Variants in RRAGB observed in about 807,000 individuals in gnomAD.
RRAGB encodes the protein Ras related GTP binding B, also known as ras-related GTP-binding protein B.
RRAGB carries 6 observed loss-of-function variants against 29.3 expected under a neutral mutation model. That is an observed-to-expected ratio of 0.21 (90% CI 0.11 to 0.40). The LOEUF (loss-of-function observed/expected upper bound fraction) is 0.40. RRAGB is among the 10% of genes least tolerant of loss of function. The pLI, the probability that RRAGB is intolerant of heterozygous loss-of-function variation, is 1.00. For missense variants in RRAGB, 184 were observed against 272.9 expected, an observed-to-expected ratio of 0.67 and a Z score of 2.29; for synonymous variants, 101 against 92.5, an observed-to-expected ratio of 1.09 and a Z score of -0.53.
At chrX:55,754,434 C>T (rs2034606036) in intron 7 of RRAGB, among the ~76,000 whole-genome samples, 2 of 112,856 alleles carry the variant, frequency 1.8e-5, no homozygotes, top group Non-Finnish European at 3.7e-5. Context: ...CAACACACTG[C>T]ATAAGTAATT....
intron 5 of RRAGB, among the ~76,000 whole-genome samples, chrX:55,740,059 C>T (rs1233845826): frequency 8.9e-6 from 1 of 112,078 alleles, no homozygotes; most frequent in African/African-American, 3.2e-5. Flanking sequence ...CGGTGGCTCA[C>T]GCCTGTAATC....
chrX:55,717,872 G>C lies in RRAGB; in HGVS notation c.-456G>C, dbSNP rs748908097. The C allele has an allele frequency of 7.0e-5, 8 of 114,475 alleles. No homozygotes were observed. In the East Asian group the frequency reaches 2.2e-3, roughly 32 times the overall value. 9.4% of individuals were successfully genotyped at this position (114,475 alleles called of 1,213,427 possible). A position where few individuals can be genotyped will look rare whatever the true frequency, so the allele number is the denominator to read the frequency against. ...GCTGACTCTCCGAGCGGCCGGGCTC[G>C]GAAGCCACGAGCCAGCTGAGGCGTT... On this transcript the variant is annotated 5_prime_UTR_variant, in exon 1 of 10. Transcript: ENST00000374941.
intron 3 of RRAGB, among the ~76,000 whole-genome samples, chrX:55,724,006 A>T (rs1466824692): frequency 2.7e-5 from 3 of 112,437 alleles, no homozygotes; most frequent in Admixed American, 1.9e-4. Context: ...ATGCAGGTGG[A>T]GTCTGATCAG....
chrX:55,718,289 C>T lies in RRAGB; in HGVS notation c.-39C>T. 9.5e-7 allele frequency: 1 copy of T among 1,048,268 alleles called. No homozygotes were observed. The highest frequency in any genetic ancestry group is 1.3e-6 in the Non-Finnish European group (1 of 761,723). The allele number at this position is 1,048,268 out of a possible 1,213,427, so 86.4% of individuals were successfully genotyped here. A position where few individuals can be genotyped will look rare whatever the true frequency, so the allele number is the denominator to read the frequency against. ...CAACAACAACAAACCCTGAAGAGTA[C>T]TGAAGATTTAGAAGGGACTGGAAAG... On this transcript the variant is annotated 5_prime_UTR_variant, in exon 1 of 10. Transcript: ENST00000374941.
At chrX:55,744,279 C>T (rs925582727) in intron 5 of RRAGB, among the ~76,000 whole-genome samples, 8 of 104,789 alleles carry the variant, frequency 7.6e-5, no homozygotes, top group Admixed American at 3.2e-4. Context: ...GCCTGTAGTC[C>T]GAGCTACTCA....
intron 1 of RRAGB, 73 bp downstream of exon 1, chrX:55,718,492 C>T: frequency 1.7e-6 from 1 of 597,155 alleles, no homozygotes; most frequent in Admixed American, 3.6e-5. Flanking sequence ...AATTAGAACA[C>T]TTCTCCCCAC....
chrX:55,755,621 A>C lies in RRAGB; in HGVS notation c.736-220A>C, dbSNP rs764596170. On this transcript the variant is annotated intron_variant, in intron 7 of 9. Coordinates refer to ENST00000374941, the MANE Select transcript of RRAGB (RefSeq NM_006064.5). ...AAAATAGGCAATACGTAAATGATTTAATTATAACCAAATGGTACTAGATGG... is the reference window on the plus strand; with the variant it reads ...AAAATAGGCAATACGTAAATGATTTCATTATAACCAAATGGTACTAGATGG... 4.7e-5 allele frequency: 35 copies of C among 747,757 alleles called. No homozygotes were observed. The African/African-American group carries it at 6.5e-4, about 14-fold the overall frequency. 61.6% of individuals were successfully genotyped at this position (747,757 alleles called of 1,213,427 possible). A position where few individuals can be genotyped will look rare whatever the true frequency, so the allele number is the denominator to read the frequency against.
chrX:55,727,643 G>A (rs1291686046), intron 3 of RRAGB, among the ~76,000 whole-genome samples: 1 of 111,706 alleles, frequency 9.0e-6, no homozygotes, highest in African/African-American at 3.3e-5. Flanking sequence ...AGATTTGTTC[G>A]ATTCCAAAGC....
At chrX:55,748,300 A>T (rs1056845411) in intron 5 of RRAGB, among the ~76,000 whole-genome samples, 1 of 112,240 alleles carries the variant, frequency 8.9e-6, no homozygotes, top group Non-Finnish European at 1.9e-5. Context: ...CCCGTCTGGG[A>T]AGTGAGGAGC....
chrX:55,747,069 G>A (rs1396876397), intron 5 of RRAGB, among the ~76,000 whole-genome samples: 1 of 111,976 alleles, frequency 8.9e-6, no homozygotes, highest in Non-Finnish European at 1.9e-5. Flanking sequence ...ACTAGTTATA[G>A]GTGTAGAAGC....
intron 3 of RRAGB, among the ~76,000 whole-genome samples, chrX:55,724,129 A>G (rs778860063): frequency 1.8e-5 from 2 of 111,986 alleles, no homozygotes; most frequent in Non-Finnish European, 3.8e-5. Flanking sequence ...ACTTACTAAA[A>G]AACTCTTTCA....
chrX:55,752,484 A>G, intron 6 of RRAGB: 11 of 286,847 alleles, frequency 3.8e-5, no homozygotes, highest in Non-Finnish European at 5.2e-5. Flanking sequence ...TAATTGGAAC[A>G]GAGACATGGC....
intron 6 of RRAGB, chrX:55,752,085 T>C: frequency 1.1e-5 from 2 of 188,926 alleles, no homozygotes; most frequent in Non-Finnish European, 1.3e-5. Context: ...GACTTTTAAA[T>C]AGCCATTGCT....
intron 3 of RRAGB, among the ~76,000 whole-genome samples, chrX:55,724,960 G>A (rs2033424455): frequency 9.0e-6 from 1 of 111,664 alleles, no homozygotes; most frequent in Non-Finnish European, 1.9e-5. Flanking sequence ...TTTAAATTCT[G>A]AACACTTTTG....
At chrX:55,725,079 G>A (rs2033429954) in intron 3 of RRAGB, among the ~76,000 whole-genome samples, 1 of 112,342 alleles carries the variant, frequency 8.9e-6, no homozygotes, top group Non-Finnish European at 1.9e-5. Context: ...GCATTTCAGA[G>A]TTATTCAAAC....
chrX:55,736,158 C>T (rs1178409961), intron 5 of RRAGB, among the ~76,000 whole-genome samples: 4 of 112,104 alleles, frequency 3.6e-5, no homozygotes, highest in Non-Finnish European at 7.5e-5. Flanking sequence ...TCTAGCAAGA[C>T]CAGGAAAGTT....
intron 7 of RRAGB, among the ~76,000 whole-genome samples, chrX:55,753,777 G>T (rs1284710077): frequency 8.9e-6 from 1 of 112,540 alleles, no homozygotes; most frequent in Non-Finnish European, 1.9e-5. Flanking sequence ...GGGCATGGGG[G>T]CTCACGCCTG....
intron 5 of RRAGB, among the ~76,000 whole-genome samples, chrX:55,732,366 TA>T (rs1381630741): frequency 8.9e-6 from 1 of 111,895 alleles, no homozygotes; most frequent in Non-Finnish European, 1.9e-5. Flanking sequence ...AGGTCTATGC[TA>T]AAAGAGAAGA....
chrX:55,741,351 C>A (rs1432154972), intron 5 of RRAGB, among the ~76,000 whole-genome samples: 1 of 111,740 alleles, frequency 8.9e-6, no homozygotes, highest in Non-Finnish European at 1.9e-5. Flanking sequence ...TGCTTTACGA[C>A]CCATTTTGAA....
Sources: allele counts gnomAD v4.1 joint callset (sites outside exome capture counted in the v4.1 genomes callset), GRCh38; gene constraint gnomAD v4.1.1; transcripts MANE v1.5; gene names NCBI Gene and HGNC (gene_info 2026-07-23, HGNC 2026-07-21).